The following KIAA1217 variants were observed in gnomAD, a reference collection of about 807,000 sequenced individuals.
The protein encoded by KIAA1217 is sickle tail protein homolog.
In KIAA1217, 88 loss-of-function variants were observed where a neutral mutation model predicts 163.9. The observed-to-expected ratio is 0.54, with a 90% CI of 0.45 to 0.64. The LOEUF (loss-of-function observed/expected upper bound fraction) is 0.64. Ranked by LOEUF, KIAA1217 falls within the 30% of genes least tolerant of loss-of-function variation. The probability of loss-of-function intolerance (pLI) is 0.00; values close to 1 mark genes in which losing one functional copy is unlikely to be tolerated. For synonymous variants in KIAA1217, 903 were observed against 923.1 expected, an observed-to-expected ratio of 0.98 and a Z score of 0.39; for missense variants, 2,372 against 2,475.0, an observed-to-expected ratio of 0.96 and a Z score of 0.88.
intron 2 of KIAA1217, among the ~76,000 whole-genome samples, chr10:24,066,789 G>T (rs967785122): frequency 6.6e-6 from 1 of 152,164 alleles, no homozygotes; most frequent in Non-Finnish European, 1.5e-5. Flanking sequence ...CCAATTAGAC[G>T]TAGATTTCGT....
At chr10:24,175,443 ATGTGTGTGTGTG>A (rs137918207) in intron 2 of KIAA1217, among the ~76,000 whole-genome samples, 2 of 149,894 alleles carry the variant, frequency 1.3e-5, no homozygotes, top group South Asian at 2.1e-4. Context: ...GTGTATATAT[ATGTGTGTGTGTG>A]TGTGTGTGTG....
intron 2 of KIAA1217, among the ~76,000 whole-genome samples, chr10:24,034,911 T>A (rs1345659054): frequency 1.3e-5 from 2 of 152,206 alleles, no homozygotes; most frequent in African/African-American, 4.8e-5. Flanking sequence ...ACACATCCTA[T>A]CTGGGGATGC....
At chr10:23,781,318 G>A (rs1232731648) in intron 1 of KIAA1217, among the ~76,000 whole-genome samples, 4 of 151,998 alleles carry the variant, frequency 2.6e-5, no homozygotes, top group African/African-American at 7.3e-5. Context: ...AATAAGTGTG[G>A]GGTGATATCT....
intron 2 of KIAA1217, among the ~76,000 whole-genome samples, chr10:24,307,448 C>T (rs558392090): frequency 6.6e-6 from 1 of 152,072 alleles, no homozygotes; most frequent in Admixed American, 6.6e-5. Context: ...CACTTCTTGA[C>T]CCTTCACTCC....
At chr10:24,355,723 T>A (rs1229965166) in intron 2 of KIAA1217, among the ~76,000 whole-genome samples, 1 of 125,790 alleles carries the variant, frequency 7.9e-6, no homozygotes, top group African/African-American at 2.9e-5. Flanking sequence ...TAGCAAGTCC[T>A]CACTCTTTTT....
At chr10:24,362,948 AAG>A (rs2134273064) in intron 2 of KIAA1217, among the ~76,000 whole-genome samples, 2 of 142,888 alleles carry the variant, frequency 1.4e-5, no homozygotes, top group South Asian at 2.2e-4. Flanking sequence ...AAAAAAAAAG[AAG>A]AAGAAGAAAA....
At chr10:24,477,445 C>A (rs1465471333) in intron 6 of KIAA1217, among the ~76,000 whole-genome samples, 2 of 152,192 alleles carry the variant, frequency 1.3e-5, no homozygotes, top group African/African-American at 4.8e-5. Flanking sequence ...TCTACATATT[C>A]CATGCTGTTT....
rs140339777 is a variant in KIAA1217 at position 24,382,159 on chromosome 10, T to G, written c.553+1092T>G. ...GGGGCAGATGTTTCTTATGCTTCAT[T>G]GCCATGTTAAGGTTCTGATTTGGGT... On this transcript the variant is annotated intron_variant, in intron 3 of 20. Transcript: ENST00000376454. Among the ~76,000 whole-genome samples the G allele has an allele frequency of 2.6e-4, 40 of 152,258 alleles. 1 individual carries two copies. Among genetic ancestry groups the G allele is most frequent in the South Asian group, 2.3e-3 (11 of 4,826 alleles).
intron 1 of KIAA1217, among the ~76,000 whole-genome samples, chr10:23,926,947 GC>G (rs918842852): frequency 6.6e-6 from 1 of 151,622 alleles, no homozygotes; most frequent in Non-Finnish European, 1.5e-5. Context: ...TCACTTTGTT[GC>G]CCAGCCTGGA....
intron 2 of KIAA1217, among the ~76,000 whole-genome samples, chr10:24,331,599 C>T (rs1356766417): frequency 6.6e-6 from 1 of 152,098 alleles, no homozygotes; most frequent in Non-Finnish European, 1.5e-5. Context: ...AGCTGGGTGG[C>T]CAATAAGAAT....
intron 1 of KIAA1217, among the ~76,000 whole-genome samples, chr10:23,753,113 GA>G (rs1833734101): frequency 6.6e-6 from 1 of 152,156 alleles, no homozygotes; most frequent in African/African-American, 2.4e-5. Context: ...TCATTGTATA[GA>G]AAGCATTCTG....
chr10:24,340,793 G>A (rs2046993682), intron 2 of KIAA1217, among the ~76,000 whole-genome samples: 1 of 152,200 alleles, frequency 6.6e-6, no homozygotes, highest in African/African-American at 2.4e-5. Flanking sequence ...ACGTTTAATA[G>A]AATGATCTTT....
intron 1 of KIAA1217, among the ~76,000 whole-genome samples, chr10:23,820,834 T>C (rs1307833654): frequency 6.6e-6 from 1 of 152,112 alleles, no homozygotes; most frequent in Non-Finnish European, 1.5e-5. Flanking sequence ...AGAAGAGAGA[T>C]GGATAAGAAT....
intron 1 of KIAA1217, among the ~76,000 whole-genome samples, chr10:23,884,250 C>A (rs1589011599): frequency 6.6e-6 from 1 of 152,076 alleles, no homozygotes; most frequent in South Asian, 2.1e-4. Flanking sequence ...GTTCCTATTG[C>A]TCCACATCCC....
chr10:24,038,729 A>G (rs1422520395), intron 2 of KIAA1217, among the ~76,000 whole-genome samples: 1 of 148,628 alleles, frequency 6.7e-6, no homozygotes, highest in Non-Finnish European at 1.5e-5. Flanking sequence ...ACTGGGCATG[A>G]CAATCACCTG....
intron 1 of KIAA1217, among the ~76,000 whole-genome samples, chr10:23,904,179 G>C (rs1423565102): frequency 6.6e-6 from 1 of 152,102 alleles, no homozygotes; most frequent in African/African-American, 2.4e-5. Flanking sequence ...TATTTAAGAT[G>C]TTTTCACATC....
At chr10:24,343,206 A>C (rs10828629) in intron 2 of KIAA1217, among the ~76,000 whole-genome samples, 83,377 of 152,030 alleles carry the variant, frequency 0.55, 23,323 homozygotes, top group South Asian at 0.7. Context: ...AATGTTTACA[A>C]ATCTTACCAG....
chr10:24,033,209 A>G (rs1398228345), intron 2 of KIAA1217, among the ~76,000 whole-genome samples: 2 of 152,222 alleles, frequency 1.3e-5, no homozygotes, highest in African/African-American at 2.4e-5. Flanking sequence ...ATGCTTTTTA[A>G]AGGGTTCTTA....
intron 2 of KIAA1217, among the ~76,000 whole-genome samples, chr10:24,140,960 G>T (rs534571949): frequency 6.6e-6 from 1 of 152,094 alleles, no homozygotes; most frequent in Admixed American, 6.5e-5. Flanking sequence ...AAGAGTAAAG[G>T]CACCGTGTCT....
Sources: allele counts gnomAD v4.1 joint callset (sites outside exome capture counted in the v4.1 genomes callset), GRCh38; gene constraint gnomAD v4.1.1; transcripts MANE v1.5; gene names NCBI Gene and HGNC (gene_info 2026-07-23, HGNC 2026-07-21).